GVQW3: variants seen among roughly 807,000 people sequenced by gnomAD.
GVQW3 encodes the protein GVQW motif containing 3.
A neutral mutation model predicts 12.5 loss-of-function variants in GVQW3; 7 were observed. The ratio of observed to expected loss-of-function variants is 0.56; its 90% confidence interval spans 0.32 to 1.05. The LOEUF (loss-of-function observed/expected upper bound fraction) is 1.05, where lower values mean the gene tolerates loss of function less well. Among genes scored for constraint, GVQW3 ranks in the 50% least tolerant of loss-of-function variants. The probability of loss-of-function intolerance (pLI) is 0.04; values close to 1 mark genes in which losing one functional copy is unlikely to be tolerated. For missense variants in GVQW3, 188 were observed against 190.8 expected, an observed-to-expected ratio of 0.99 and a Z score of 0.09; for synonymous variants, 71 against 67.2, an observed-to-expected ratio of 1.06 and a Z score of -0.28.
At chr11:76,397,395 G>A (rs961288426) in intron 1 of GVQW3, among the ~76,000 whole-genome samples, 1 of 152,076 alleles carries the variant, frequency 6.6e-6, no homozygotes, top group Non-Finnish European at 1.5e-5. Flanking sequence ...GGTTGTTTTC[G>A]GCTTTTGGCT....
rs1017853922 is a variant in GVQW3 at position 76,406,961 on chromosome 11, T to A, written c.*3203T>A. ...AGGCGGAGCTTGCAGTGAGCCAAGG[T>A]CACACCACTGCACTCCAGCCTGGGC... On this transcript the variant is annotated 3_prime_UTR_variant, in exon 2 of 2. Coordinates refer to ENST00000529331, the MANE Select transcript of GVQW3 (RefSeq NM_001347885.2). 1.3e-5 allele frequency: 2 copies of A among 152,010 alleles called. No individual in the cohort carries two copies. Among genetic ancestry groups the A allele is most frequent in the Non-Finnish European group, 2.9e-5 (2 of 68,048 alleles). The allele number at this position is 152,010 out of a possible 1,614,324, so 9.4% of individuals were successfully genotyped here. A position where few individuals can be genotyped will look rare whatever the true frequency, so the allele number is the denominator to read the frequency against.
chr11:76,400,643 C>T (rs56665967), intron 1 of GVQW3, among the ~76,000 whole-genome samples: 15,487 of 152,058 alleles, frequency 0.1, 995 homozygotes, highest in African/African-American at 0.18. Context: ...TGGTCTTGAA[C>T]TCCTGACCTC....
chr11:76,390,670 G>T (rs1049322126), intron 1 of GVQW3, among the ~76,000 whole-genome samples: 1 of 152,006 alleles, frequency 6.6e-6, no homozygotes, highest in African/African-American at 2.4e-5. Context: ...AAAAAAATAC[G>T]AAAAAAATTA....
chr11:76,414,269 C>T (rs1403196138), exon 2 of GVQW3: 1 of 152,244 alleles, frequency 6.6e-6, no homozygotes, highest in East Asian at 1.9e-4. Context: ...AGAGCTCAAC[C>T]TTTGTGGAAC....
At chr11:76,388,540 G>T (rs1476497060) in intron 1 of GVQW3, among the ~76,000 whole-genome samples, 1 of 151,826 alleles carries the variant, frequency 6.6e-6, no homozygotes, top group African/African-American at 2.4e-5. Context: ...CTGAAAGATT[G>T]CATCTGAAAG....
chr11:76,387,834 G>A (rs942837229), intron 1 of GVQW3, among the ~76,000 whole-genome samples: 4 of 152,248 alleles, frequency 2.6e-5, no homozygotes, highest in Non-Finnish European at 5.9e-5. Flanking sequence ...GAGGCAGGAG[G>A]ATCACTTGAG....
At chr11:76,397,655 C>T (rs1176137609) in intron 1 of GVQW3, among the ~76,000 whole-genome samples, 1 of 152,116 alleles carries the variant, frequency 6.6e-6, no homozygotes, top group Non-Finnish European at 1.5e-5. Flanking sequence ...GAATGTAGAA[C>T]TGGGAACAGA....
chr11:76,393,749 A>T (rs993396055), intron 1 of GVQW3, among the ~76,000 whole-genome samples: 1 of 151,958 alleles, frequency 6.6e-6, no homozygotes, highest in African/African-American at 2.4e-5. Flanking sequence ...GATACATAGC[A>T]GGTATATATA....
In GVQW3 at chr11:76,382,298, C is replaced by A; in HGVS notation, c.465+5C>A. The stretch of plus-strand genomic sequence containing the variant: ...AGCTCATGTTTGAGGAAAAAGGTAA[C>A]AGGTTCTGAAACATGGAGTTATCTC... On this transcript the variant is annotated splice_donor_5th_base_variant and intron_variant, in intron 1 of 1. Transcript: ENST00000529331. The A allele has an allele frequency of 6.7e-7, 1 of 1,490,698 alleles. No individual in the cohort carries two copies. Among genetic ancestry groups the A allele is most frequent in the Non-Finnish European group, 9.0e-7 (1 of 1,105,834 alleles). 92.3% of individuals were successfully genotyped at this position (1,490,698 alleles called of 1,614,324 possible).
chr11:76,394,006 T>A (rs2134550248), intron 1 of GVQW3, among the ~76,000 whole-genome samples: 1 of 152,150 alleles, frequency 6.6e-6, no homozygotes, highest in East Asian at 1.9e-4. Flanking sequence ...TCAAGCGATT[T>A]TCGTGCTTCA....
chr11:76,397,794 CTTTATA>C (rs1946952694), intron 1 of GVQW3, among the ~76,000 whole-genome samples: 1 of 152,040 alleles, frequency 6.6e-6, no homozygotes, highest in South Asian at 2.1e-4. Context: ...GATTTTTGAC[CTTTATA>C]TTTAAAGTGA....
intron 1 of GVQW3, among the ~76,000 whole-genome samples, chr11:76,387,328 C>T (rs1371557862): frequency 1.3e-5 from 2 of 151,756 alleles, no homozygotes; most frequent in Non-Finnish European, 2.9e-5. Flanking sequence ...CCCAGCTACC[C>T]GAGAGGCTGA....
At chr11:76,393,942 A>G (rs1946916847) in intron 1 of GVQW3, among the ~76,000 whole-genome samples, 1 of 152,052 alleles carries the variant, frequency 6.6e-6, no homozygotes, top group Non-Finnish European at 1.5e-5. Flanking sequence ...TCTGTCACCC[A>G]GGCTGGAGTG....
chr11:76,387,659 G>A (rs1467109758), intron 1 of GVQW3, among the ~76,000 whole-genome samples: 3 of 151,874 alleles, frequency 2.0e-5, no homozygotes, highest in Non-Finnish European at 4.4e-5. Flanking sequence ...GATGGCTCAT[G>A]TCTGTAATCC....
downstream of GVQW3, among the ~76,000 whole-genome samples, chr11:76,409,416 TG>T (rs1565250119): frequency 6.6e-6 from 1 of 152,206 alleles, no homozygotes; most frequent in Non-Finnish European, 1.5e-5. Flanking sequence ...CAAGATCCTA[TG>T]GGGGTAACTC....
chr11:76,412,216 G>C (rs1219382423), downstream of GVQW3: 6 of 152,252 alleles, frequency 3.9e-5, no homozygotes. Context: ...CATTTAGTAG[G>C]AGAAACAGAG....
chr11:76,392,077 G>A (rs997355943), intron 1 of GVQW3: 1 of 152,454 alleles, frequency 6.6e-6, no homozygotes, highest in Non-Finnish European at 1.5e-5. Context: ...TGTGGGTTAG[G>A]GAAAGGGCCA....
downstream of GVQW3, chr11:76,413,089 A>C (rs927129846): frequency 1.3e-5 from 2 of 152,240 alleles, no homozygotes; most frequent in East Asian, 1.9e-4. Flanking sequence ...CTTCAAGAAG[A>C]GAAAGAGGAA....
chr11:76,400,117 T>C (rs1479665553), intron 1 of GVQW3, among the ~76,000 whole-genome samples: 2 of 151,958 alleles, frequency 1.3e-5, no homozygotes, highest in Non-Finnish European at 1.5e-5. Flanking sequence ...TCTTTCTTTT[T>C]TTTTTCTTTT....
Sources: allele counts gnomAD v4.1 joint callset (sites outside exome capture counted in the v4.1 genomes callset), GRCh38; gene constraint gnomAD v4.1.1; transcripts MANE v1.5; gene names NCBI Gene and HGNC (gene_info 2026-07-23, HGNC 2026-07-21).